The following NBEA variants were observed in gnomAD, a reference collection of about 807,000 sequenced individuals.
NBEA encodes the protein neurobeachin, also known as lysosomal-trafficking regulator 2.
In NBEA, 44 loss-of-function variants were observed where a neutral mutation model predicts 343.4. The ratio of observed to expected loss-of-function variants is 0.13; its 90% confidence interval spans 0.10 to 0.16. The LOEUF (loss-of-function observed/expected upper bound fraction) is 0.16. NBEA is among the 10% of genes least tolerant of loss of function. The pLI, the probability that NBEA is intolerant of heterozygous loss-of-function variation, is 1.00. For synonymous variants in NBEA, 1,175 were observed against 1,238.7 expected (o/e 0.95, Z 1.08); for missense variants, 2,555 against 3,631.3 (o/e 0.70, Z 7.62).
At chr13:35,601,646 C>T (rs2082049902) in intron 47 of NBEA, among the ~76,000 whole-genome samples, 1 of 151,660 alleles carries the variant, frequency 6.6e-6, no homozygotes, top group African/African-American at 2.4e-5. Context: ...CCTGTAGTCC[C>T]AGCTACTTGG....
chr13:35,660,992 G>T (rs2085065527), intron 55 of NBEA, among the ~76,000 whole-genome samples: 1 of 152,138 alleles, frequency 6.6e-6, no homozygotes, highest in Non-Finnish European at 1.5e-5. Flanking sequence ...AGTCCATTCT[G>T]CAGTAGACCA....
chr13:35,412,573 C>T (rs983918823), intron 38 of NBEA, among the ~76,000 whole-genome samples: 7 of 151,938 alleles, frequency 4.6e-5, no homozygotes, highest in Non-Finnish European at 1.0e-4. Context: ...ATGCATACCT[C>T]GTATTTAGTC....
intron 44 of NBEA, among the ~76,000 whole-genome samples, chr13:35,559,930 CAAAAAA>C (rs34700584): frequency 9.2e-6 from 1 of 108,970 alleles, no homozygotes. Flanking sequence ...GACTCCGTCT[CAAAAAA>C]AAAAAAAAAA....
At chr13:35,145,473 C>T in intron 18 of NBEA, among the ~76,000 whole-genome samples, 1 of 152,074 alleles carries the variant, frequency 6.6e-6, no homozygotes, top group Non-Finnish European at 1.5e-5. Context: ...TATCTGAGGC[C>T]TCTTTAGTGG....
In NBEA at chr13:35,074,130, A is replaced by G. The variant is rs989429990; in HGVS notation, c.1571+3278A>G. On this transcript the variant is annotated intron_variant, in intron 10 of 58. Coordinates refer to ENST00000379939, the MANE Select transcript of NBEA (RefSeq NM_001385012.1). Reference sequence around the variant, plus strand: ...TGAATTTAGTATTTATTACTAGTACAACTTTGTGTATGTGATTAATTTTTT... The same window carrying G: ...TGAATTTAGTATTTATTACTAGTACGACTTTGTGTATGTGATTAATTTTTT... Among the ~76,000 whole-genome samples the G allele has an allele frequency of 4.6e-5, 7 of 152,294 alleles. No homozygotes were observed. In the East Asian group the frequency reaches 1.4e-3, roughly 29 times the overall value.
intron 41 of NBEA, among the ~76,000 whole-genome samples, chr13:35,541,532 G>C (rs933852408): frequency 6.6e-6 from 1 of 152,084 alleles, no homozygotes; most frequent in Non-Finnish European, 1.5e-5. Context: ...CTGGTAGCTG[G>C]TGTCCCAAAT....
At chr13:35,191,646 TGTAA>T (rs1305747148) in intron 30 of NBEA, among the ~76,000 whole-genome samples, 1 of 152,110 alleles carries the variant, frequency 6.6e-6, no homozygotes, top group South Asian at 2.1e-4. Context: ...AAACAAAATG[TGTAA>T]GTTAGTTACA....
chr13:35,467,047 T>A (rs1047616919), intron 40 of NBEA, among the ~76,000 whole-genome samples: 3 of 152,158 alleles, frequency 2.0e-5, no homozygotes, highest in Admixed American at 2.0e-4. Flanking sequence ...TGCCCAAAGC[T>A]TTCCTAGGAT....
intron 8 of NBEA, among the ~76,000 whole-genome samples, chr13:35,063,383 TA>T (rs1431477374): frequency 1.3e-5 from 2 of 151,742 alleles, no homozygotes; most frequent in Non-Finnish European, 2.9e-5. Context: ...ACAAAGCAGG[TA>T]AAAAAGTTGG....
Position 35,127,024 on chromosome 13 carries a change from G to A in NBEA, c.2336+3450G>A, listed in dbSNP as rs191067535. 6.0e-4 allele frequency among the ~76,000 whole-genome samples: 92 copies of A among 152,078 alleles called. No individual in the cohort carries two copies. The East Asian group carries it at 0.013, about 21-fold the overall frequency. On this transcript the variant is annotated intron_variant, in intron 17 of 58. Transcript: ENST00000379939. The stretch of plus-strand genomic sequence containing the variant: ...AACGAATATTTAAATCTATAATTCA[G>A]TGAAGTCTAGATGTAAGATTTTGCC...
At chr13:35,203,130 A>G (rs909914936) in intron 31 of NBEA, among the ~76,000 whole-genome samples, 2 of 152,174 alleles carry the variant, frequency 1.3e-5, no homozygotes, top group African/African-American at 4.8e-5. Context: ...GAGTAGTCCT[A>G]TTATAACATA....
chr13:35,446,789 A>G (rs981401539), intron 39 of NBEA, among the ~76,000 whole-genome samples: 99 of 152,078 alleles, frequency 6.5e-4, no homozygotes, highest in African/African-American at 2.3e-3. Flanking sequence ...TATACATTAG[A>G]TAGATACACA....
chr13:35,226,395 T>G (rs2074653961), intron 33 of NBEA, among the ~76,000 whole-genome samples: 1 of 152,098 alleles, frequency 6.6e-6, no homozygotes, highest in Non-Finnish European at 1.5e-5. Context: ...GGAAAGAATG[T>G]CTCTATCCTA....
intron 38 of NBEA, among the ~76,000 whole-genome samples, chr13:35,398,861 T>C (rs1484928894): frequency 2.6e-5 from 4 of 152,124 alleles, no homozygotes; most frequent in African/African-American, 9.6e-5. Context: ...GCATGCCCTT[T>C]GAAGCTTTAA....
In NBEA at chr13:34,943,060, C is replaced by A; in HGVS notation, c.240C>A (p.Leu80=). 6.2e-7 allele frequency: 1 copy of A among 1,613,714 alleles called. No individual in the cohort carries two copies. The highest frequency in any genetic ancestry group is 8.5e-7 in the Non-Finnish European group (1 of 1,179,780). ...IRMKFAVLIG[L]IQVGEVSNRD... is the part of the protein sequence containing the mutation. Reference sequence around the variant, plus strand: ...TGAAATTCGCAGTGTTGATTGGACTCATACAGGTCGGAGAGGTCAGCAACA... The same window carrying A: ...TGAAATTCGCAGTGTTGATTGGACTAATACAGGTCGGAGAGGTCAGCAACA... Residue 80 remains leucine (L), a synonymous_variant, in exon 1 of 59, where the codon CTC becomes CTA. Transcript: ENST00000379939.
intron 1 of NBEA, among the ~76,000 whole-genome samples, chr13:35,039,134 T>C (rs2062556174): frequency 6.6e-6 from 1 of 152,190 alleles, no homozygotes; most frequent in Non-Finnish European, 1.5e-5. Flanking sequence ...TTTTCCTTTA[T>C]GCTATAGCAA....
chr13:35,352,147 T>A lies in NBEA; in HGVS notation c.6013-10T>A, dbSNP rs2040232181. On this transcript the variant is annotated splice_polypyrimidine_tract_variant and intron_variant, in intron 37 of 58. Transcript: ENST00000379939. The stretch of plus-strand genomic sequence containing the variant: ...GTTTATTATTATGCATCATTTGTAT[T>A]TCTTTATAGTCACAGTGTGCCCAAT... The A allele has an allele frequency of 7.1e-7, 1 of 1,407,918 alleles. No individual in the cohort carries two copies. Among genetic ancestry groups the A allele is most frequent in the Non-Finnish European group, 9.4e-7 (1 of 1,065,200 alleles). 87.2% of individuals were successfully genotyped at this position (1,407,918 alleles called of 1,614,324 possible).
chr13:35,312,683 G>A (rs1025985018), intron 36 of NBEA, among the ~76,000 whole-genome samples: 14 of 152,142 alleles, frequency 9.2e-5, no homozygotes, highest in African/African-American at 3.4e-4. Flanking sequence ...CTATGAGGAT[G>A]GAAGAAGTGA....
At chr13:35,089,888 T>A (rs1593309353) in intron 10 of NBEA, among the ~76,000 whole-genome samples, 1 of 123,816 alleles carries the variant, frequency 8.1e-6, no homozygotes, top group Non-Finnish European at 1.6e-5. Flanking sequence ...GGAAGGGGAA[T>A]ATCACACTCT....
Sources: gnomAD v4.1 joint callset for allele counts (sites outside exome capture counted in the v4.1 genomes callset) on GRCh38, gnomAD v4.1.1 for gene constraint, MANE v1.5 for transcripts, NCBI Gene and HGNC (gene_info 2026-07-23, HGNC 2026-07-21) for gene names.